The following DOCK9 variants were observed in gnomAD, a reference collection of about 807,000 sequenced individuals.
DOCK9 encodes dedicator of cytokinesis 9.
A neutral mutation model predicts 263.3 loss-of-function variants in DOCK9; 89 were observed. The ratio of observed to expected loss-of-function variants is 0.34; its 90% CI spans 0.28 to 0.40. DOCK9 has a LOEUF of 0.40. Ranked by LOEUF, DOCK9 falls within the 10% of genes least tolerant of loss-of-function variation. The probability of loss-of-function intolerance (pLI) is 1.00; values close to 1 mark genes in which losing one functional copy is unlikely to be tolerated. For synonymous variants in DOCK9, 976 were observed against 973.1 expected (o/e 1.00, Z -0.06); for missense variants, 2,140 against 2,603.4 (o/e 0.82, Z 3.87).
chr13:98,937,667 C>A (rs2055107293), intron 2 of DOCK9, among the ~76,000 whole-genome samples: 1 of 151,032 alleles, frequency 6.6e-6, no homozygotes, highest in African/African-American at 2.4e-5. Context: ...TGCACAGATA[C>A]CTGAGAGCCC....
intron 7 of DOCK9, among the ~76,000 whole-genome samples, chr13:98,916,153 A>G (rs1238645163): frequency 6.6e-6 from 1 of 152,220 alleles, no homozygotes; most frequent in Non-Finnish European, 1.5e-5. Flanking sequence ...CGGAAGATGA[A>G]CATGCACTAG....
intron 47 of DOCK9, chr13:98,809,101 G>A: frequency 6.5e-7 from 1 of 1,542,852 alleles, no homozygotes; most frequent in South Asian, 1.2e-5. Context: ...TGCTAAGAAT[G>A]TCTTAAGGAG....
chr13:99,043,748 T>C (rs1888695648), intron 1 of DOCK9, among the ~76,000 whole-genome samples: 1 of 152,108 alleles, frequency 6.6e-6, no homozygotes. Context: ...ACTTACTCCT[T>C]TACCCTGCCT....
At chr13:99,052,343 T>C (rs1418979322) in intron 1 of DOCK9, among the ~76,000 whole-genome samples, 3 of 152,098 alleles carry the variant, frequency 2.0e-5, no homozygotes, top group Non-Finnish European at 4.4e-5. Flanking sequence ...GGTAAACAAA[T>C]GCCAGCACAC....
chr13:98,833,451 G>C (rs1723491896), intron 39 of DOCK9, among the ~76,000 whole-genome samples: 2 of 152,138 alleles, frequency 1.3e-5, no homozygotes, highest in South Asian at 4.1e-4. Flanking sequence ...AAGTTCTGCT[G>C]TCTGAACTGG....
intron 38 of DOCK9, 74 bp from the exon 39 acceptor site, chr13:98,837,683 T>G (rs1227870512): frequency 1.1e-6 from 1 of 931,194 alleles, no homozygotes; most frequent in Non-Finnish European, 1.5e-6. Flanking sequence ...GTAGGCACAG[T>G]CAACTTTTGA....
intron 39 of DOCK9, among the ~76,000 whole-genome samples, chr13:98,834,807 C>G (rs2092925105): frequency 6.6e-6 from 1 of 152,122 alleles, no homozygotes; most frequent in African/African-American, 2.4e-5. Flanking sequence ...TGGTAATTTT[C>G]TTCTTCTGTC....
In DOCK9 at chr13:98,839,811, T is replaced by A. The variant is rs560459422; in HGVS notation, c.4199-2202A>T. Among the ~76,000 whole-genome samples the A allele has an allele frequency of 6.6e-5, 10 of 152,360 alleles. No individual in the cohort carries two copies. In the East Asian group the frequency reaches 1.9e-3, roughly 29 times the overall value. On this transcript the variant is annotated intron_variant, in intron 38 of 52. Transcript: ENST00000682017. ...GGACTATGCTAATTAAGTTATTATA[T>A]AATTATGTATACACATATGGAAACA...
chr13:99,041,959 C>T (rs749136470), intron 1 of DOCK9, among the ~76,000 whole-genome samples: 4 of 152,222 alleles, frequency 2.6e-5, no homozygotes, highest in Non-Finnish European at 5.9e-5. Context: ...TGCCAGGCTT[C>T]AGACTTTTGG....
chr13:98,934,193 T>C (rs2054444410), intron 2 of DOCK9, among the ~76,000 whole-genome samples: 2 of 152,160 alleles, frequency 1.3e-5, no homozygotes, highest in South Asian at 4.1e-4. Context: ...GCATGAGCCA[T>C]TGCACCAGGC....
chr13:98,829,127 A>G lies in DOCK9; in HGVS notation c.4965+180T>C, dbSNP rs1310895434. 6.6e-6 allele frequency among the ~76,000 whole-genome samples: 1 copy of G among 152,190 alleles called. No individual in the cohort carries two copies. Among genetic ancestry groups the G allele is most frequent in the Non-Finnish European group, 1.5e-5 (1 of 68,032 alleles). ...AAATAACCCCTTACAATTTGTTTTAAATTATTAAAATGCTCAGCTAACTAT... is the reference window on the plus strand; with the variant it reads ...AAATAACCCCTTACAATTTGTTTTAGATTATTAAAATGCTCAGCTAACTAT... On this transcript the variant is annotated intron_variant, in intron 43 of 52. Coordinates refer to ENST00000682017, the MANE Select transcript of DOCK9 (RefSeq NM_001366683.2). The surrounding 1 kb of genome is among the most constrained non-coding windows in gnomAD (Gnocchi z 4.1).
chr13:99,015,496 G>C (rs1287871509), intron 1 of DOCK9: 2 of 1,597,854 alleles, frequency 1.3e-6, no homozygotes, highest in African/African-American at 2.7e-5. Context: ...CCAATTGTAT[G>C]CTGTATATTC....
At chr13:99,025,196 A>G (rs954766553) in intron 1 of DOCK9, 6 of 152,226 alleles carry the variant, frequency 3.9e-5, no homozygotes, top group Non-Finnish European at 8.8e-5. Flanking sequence ...ACAGATTACA[A>G]TTATTGCTAT....
Position 98,910,020 on chromosome 13 carries a change from G to A in DOCK9, c.960+4308C>T, listed in dbSNP as rs573750512. ...CTACTTCTCTTTCAGAACCACATGG[G>A]GAAACCAAAGTAAAAGTTGGATGCT... On this transcript the variant is annotated intron_variant, in intron 9 of 52. Coordinates refer to ENST00000682017, the MANE Select transcript of DOCK9 (RefSeq NM_001366683.2). Among the ~76,000 whole-genome samples, 11 of 152,202 alleles carry A rather than the reference G, an allele frequency of 7.2e-5. No homozygotes were observed. In the South Asian group the frequency reaches 2.3e-3, roughly 32 times the overall value.
chr13:98,993,207 C>T (rs888810227), intron 1 of DOCK9, among the ~76,000 whole-genome samples: 2 of 152,166 alleles, frequency 1.3e-5, no homozygotes, highest in African/African-American at 4.8e-5. Context: ...GTAGTTAATA[C>T]TTCAATTACC....
intron 1 of DOCK9, among the ~76,000 whole-genome samples, chr13:99,080,129 AC>A (rs2042069755): frequency 6.6e-6 from 1 of 151,946 alleles, no homozygotes; most frequent in Admixed American, 6.6e-5. Context: ...TTTACAAATA[AC>A]TCTTATATTT....
intron 49 of DOCK9, among the ~76,000 whole-genome samples, chr13:98,804,613 A>T (rs796336516): frequency 7.8e-4 from 119 of 152,248 alleles, no homozygotes; most frequent in African/African-American, 2.8e-3. Context: ...AACCTGAGAC[A>T]GGTGTGTGAG....
At chr13:99,005,414 G>A (rs756908093) in intron 1 of DOCK9, among the ~76,000 whole-genome samples, 4 of 152,084 alleles carry the variant, frequency 2.6e-5, no homozygotes, top group Non-Finnish European at 5.9e-5. Context: ...TAAACTGACA[G>A]CTGTATAAGA....
intron 50 of DOCK9, among the ~76,000 whole-genome samples, chr13:98,799,927 A>T (rs2089911433): frequency 6.6e-6 from 1 of 152,236 alleles, no homozygotes; most frequent in Non-Finnish European, 1.5e-5. Context: ...CAATTTTCAT[A>T]GAAAACAGCA....
Sources: allele counts gnomAD v4.1 joint callset (sites outside exome capture counted in the v4.1 genomes callset), GRCh38; gene constraint gnomAD v4.1.1; non-coding constraint Gnocchi (gnomAD v3.1); transcripts MANE v1.5; gene names NCBI Gene and HGNC (gene_info 2026-07-23, HGNC 2026-07-21).